The following EYS variants were observed in gnomAD, a reference collection of about 807,000 sequenced individuals.
EYS encodes protein eyes shut homolog.
Under a neutral mutation model 282.1 loss-of-function variants are expected in EYS, and 250 were observed. The observed-to-expected ratio is 0.89, with a 90% CI of 0.80 to 0.98. The LOEUF (loss-of-function observed/expected upper bound fraction) is 0.98, where lower values mean the gene tolerates loss of function less well. EYS is among the 50% of genes least tolerant of loss of function. EYS has a pLI of 0.00. For synonymous variants in EYS, 1,355 were observed against 1,282.9 expected (o/e 1.06, Z -1.20); for missense variants, 4,016 against 3,709.0 (o/e 1.08, Z -2.15).
intron 22 of EYS, among the ~76,000 whole-genome samples, chr6:64,780,140 C>T (rs1162829091): frequency 2.0e-5 from 3 of 151,946 alleles, no homozygotes; most frequent in Non-Finnish European, 4.4e-5. Context: ...TGGGAGAGAT[C>T]ACCAATATAA....
chr6:64,391,962 C>T (rs1016025041), intron 28 of EYS, among the ~76,000 whole-genome samples: 1 of 151,592 alleles, frequency 6.6e-6, no homozygotes, highest in African/African-American at 2.4e-5. Context: ...CAAAAAAAGG[C>T]AGGGGTTGCA....
intron 12 of EYS, among the ~76,000 whole-genome samples, chr6:65,190,686 A>G (rs1423106734): frequency 1.3e-5 from 2 of 151,808 alleles, no homozygotes; most frequent in African/African-American, 2.4e-5. Context: ...TTCAAGCACT[A>G]GTGTGTTTGT....
At chr6:64,611,331 T>G (rs1179374430) in intron 24 of EYS, among the ~76,000 whole-genome samples, 1 of 152,238 alleles carries the variant, frequency 6.6e-6, no homozygotes, top group Non-Finnish European at 1.5e-5. Flanking sequence ...TTTCTAATCC[T>G]TAGGAGGAAG....
At chr6:65,618,334 GGCT>G (rs1554217900) in intron 2 of EYS, among the ~76,000 whole-genome samples, 1 of 152,160 alleles carries the variant, frequency 6.6e-6, no homozygotes, top group Non-Finnish European at 1.5e-5. Flanking sequence ...TGTGTTTTTC[GGCT>G]GCATGAATGT....
chr6:64,515,173 T>C (rs546133515), intron 26 of EYS, among the ~76,000 whole-genome samples: 2 of 151,700 alleles, frequency 1.3e-5, no homozygotes, highest in South Asian at 2.1e-4. Flanking sequence ...ATTTTGACTG[T>C]ACATTTTGTA....
At chr6:64,886,324 A>G (rs1236120587) in intron 19 of EYS, among the ~76,000 whole-genome samples, 1 of 151,950 alleles carries the variant, frequency 6.6e-6, no homozygotes, top group Non-Finnish European at 1.5e-5. Flanking sequence ...TTTTATGTAA[A>G]TATTTTTAAT....
At chr6:64,617,662 C>A in intron 23 of EYS, 129 bp from the exon 24 acceptor site, 1 of 642,216 alleles carries the variant, frequency 1.6e-6, no homozygotes, top group South Asian at 1.8e-5. Context: ...CAAATTACCT[C>A]AGTGTATCTT....
At position 65,528,012 on chromosome 6, in the gene EYS, A is replaced by G. The variant is rs562078049; in HGVS notation, c.-332-32019T>C. Among the ~76,000 whole-genome samples the G allele has an allele frequency of 2.6e-5, 4 of 152,290 alleles. 1 individual carries two copies. In the East Asian group the frequency reaches 7.7e-4, roughly 29 times the overall value. ...TCAGTTTTTAAAAACTATTAACTGAATGGCTGAAAGTGTTACTAAGGTATC... is the reference window on the plus strand; with the variant it reads ...TCAGTTTTTAAAAACTATTAACTGAGTGGCTGAAAGTGTTACTAAGGTATC... On this transcript the variant is annotated intron_variant, in intron 2 of 42. Coordinates refer to ENST00000503581, the MANE Select transcript of EYS (RefSeq NM_001142800.2).
At chr6:64,096,078 C>T (rs1582262726) in intron 31 of EYS, among the ~76,000 whole-genome samples, 1 of 152,308 alleles carries the variant, frequency 6.6e-6, no homozygotes, top group Middle Eastern at 3.4e-3. Flanking sequence ...TGAATATTGG[C>T]CCCCACTCTC....
intron 30 of EYS, among the ~76,000 whole-genome samples, chr6:64,281,525 G>T (rs774215021): frequency 2.0e-5 from 3 of 152,066 alleles, no homozygotes; most frequent in Non-Finnish European, 4.4e-5. Context: ...AAGACTGACA[G>T]AATTTTTTAA....
chr6:64,282,556 T>C (rs1768345623), intron 30 of EYS, among the ~76,000 whole-genome samples: 1 of 152,196 alleles, frequency 6.6e-6, no homozygotes, highest in South Asian at 2.1e-4. Context: ...AGGCTTTAAG[T>C]CTTCCAGCTG....
At chr6:64,441,535 C>T (rs1035244179) in intron 26 of EYS, among the ~76,000 whole-genome samples, 2 of 152,114 alleles carry the variant, frequency 1.3e-5, no homozygotes, top group Non-Finnish European at 1.5e-5. Flanking sequence ...TGGAAGTGGT[C>T]TAGTCGGAGC....
chr6:64,913,351 T>C (rs1268423949), intron 15 of EYS, among the ~76,000 whole-genome samples: 1 of 152,086 alleles, frequency 6.6e-6, no homozygotes, highest in African/African-American at 2.4e-5. Context: ...TTGAACCCAT[T>C]GCCCAAATAG....
Position 64,945,839 on chromosome 6 carries a change from G to A in EYS, c.2335C>T (p.Pro779Ser). The A allele has an allele frequency of 6.5e-7, 1 of 1,549,714 alleles. No individual in the cohort carries two copies. Among genetic ancestry groups the A allele is most frequent in the Non-Finnish European group, 8.7e-7 (1 of 1,145,694 alleles). ...EQESNECKMN[P>S]CKNNSTCTDL... ...GTACAGGTGGAATTGTTCTTGCAAG[G>A]ATTCATTTTACACTCATTGGATTCT... is the stretch of plus-strand genomic sequence containing the variant. Residue 779 changes from proline to serine, a missense_variant, in exon 15 of 43, where the codon CCT (proline) becomes TCT (serine). By Grantham distance (74) the Pro-to-Ser change is moderately conservative. Coordinates refer to ENST00000503581, the MANE Select transcript of EYS (RefSeq NM_001142800.2).
chr6:63,839,301 AGAACATGCAAT>A (rs146296229), intron 36 of EYS, among the ~76,000 whole-genome samples: 2,029 of 152,276 alleles, frequency 0.013, 33 homozygotes, highest in African/African-American at 0.047. Context: ...TATATGAGTG[AGAACATGCAAT>A]ATTTATCTTT....
At chr6:64,761,896 C>A (rs1441047607) in intron 22 of EYS, among the ~76,000 whole-genome samples, 1 of 151,984 alleles carries the variant, frequency 6.6e-6, no homozygotes, top group Non-Finnish European at 1.5e-5. Context: ...TAAAAATTAC[C>A]TTTTGGGGGA....
chr6:64,948,846 G>GAA (rs1259312249), intron 14 of EYS, among the ~76,000 whole-genome samples: 1 of 151,606 alleles, frequency 6.6e-6, no homozygotes, highest in Non-Finnish European at 1.5e-5. Context: ...ACAGTAGTTT[G>GAA]AAAATATGCA....
At chr6:65,143,890 C>T (rs895550768) in intron 12 of EYS, among the ~76,000 whole-genome samples, 2 of 152,076 alleles carry the variant, frequency 1.3e-5, no homozygotes, top group Non-Finnish European at 2.9e-5. Flanking sequence ...AAGCAATTCA[C>T]AACTACCAAC....
intron 19 of EYS, among the ~76,000 whole-genome samples, chr6:64,855,054 T>C (rs1458240292): frequency 6.6e-6 from 1 of 152,134 alleles, no homozygotes; most frequent in East Asian, 1.9e-4. Context: ...TTAGTTTTTA[T>C]TATAATGTTT....
Sources: gnomAD v4.1 joint callset for allele counts (sites outside exome capture counted in the v4.1 genomes callset) on GRCh38, gnomAD v4.1.1 for gene constraint, MANE v1.5 for transcripts, NCBI Gene and HGNC (gene_info 2026-07-23, HGNC 2026-07-21) for gene names.